Variants in CFH observed in about 807,000 individuals in gnomAD.
CFH encodes complement factor H, also known as H factor 1 (complement).
CFH carries 53 observed loss-of-function variants against 147.3 expected under a neutral mutation model. The observed-to-expected ratio is 0.36, with a 90% CI of 0.29 to 0.45. The LOEUF is 0.45. CFH is among the 20% of genes least tolerant of loss of function. The pLI, the probability that CFH is intolerant of heterozygous loss-of-function variation, is 1.00. For missense variants in CFH, 1,380 were observed against 1,498.0 expected, an observed-to-expected ratio of 0.92 and a Z score of 1.30; for synonymous variants, 536 against 489.4, an observed-to-expected ratio of 1.10 and a Z score of -1.26.
At chr1:196,694,529 A>G (rs1260275838) in intron 9 of CFH, among the ~76,000 whole-genome samples, 4 of 152,108 alleles carry the variant, frequency 2.6e-5, no homozygotes, top group Admixed American at 1.3e-4. Flanking sequence ...CAGTAATGGG[A>G]TTGCTGGGTC....
At chr1:196,727,961 C>G (rs1283396903) in intron 14 of CFH, among the ~76,000 whole-genome samples, 2 of 152,110 alleles carry the variant, frequency 1.3e-5, no homozygotes, top group Non-Finnish European at 2.9e-5. Flanking sequence ...TGATGACTAA[C>G]CGGGAGGATC....
chr1:196,656,960 C>G lies in CFH; in HGVS notation c.58+4785C>G, dbSNP rs1333551605. On this transcript the variant is annotated intron_variant, in intron 1 of 21. Coordinates refer to ENST00000367429, the MANE Select transcript of CFH (RefSeq NM_000186.4). ...TGGAATTTTCTTCTTGCTCTTTTCA[C>G]TGTTAAGTTGTTTGTTTGTTTGTTT... Among the ~76,000 whole-genome samples, 5 of 151,888 alleles carry G rather than the reference C, an allele frequency of 3.3e-5. No individual in the cohort carries two copies. In the East Asian group the frequency reaches 9.6e-4, roughly 29 times the overall value.
At position 196,692,398 on chromosome 1, in the gene CFH, C is replaced by T. The variant is rs1039245875; in HGVS notation, c.1336+2159C>T. The T allele has an allele frequency of 8.3e-6, 7 of 843,050 alleles. No individual in the cohort carries two copies. In the African/African-American group the frequency reaches 9.1e-5, roughly 11 times the overall value. The allele number at this position is 843,050 out of a possible 1,614,324, so 52.2% of individuals were successfully genotyped here. ...CAGATTAATTGAGGCTAATAATATGCCTTGATTAGATATGCAATTTCTCCT... is the reference window on the plus strand; with the variant it reads ...CAGATTAATTGAGGCTAATAATATGTCTTGATTAGATATGCAATTTCTCCT... On this transcript the variant is annotated intron_variant, in intron 9 of 21. Coordinates refer to ENST00000367429, the MANE Select transcript of CFH (RefSeq NM_000186.4).
Position 196,652,268 on chromosome 1 carries a change from A to G in CFH, c.58+93A>G, listed in dbSNP as rs1285132359. The G allele has an allele frequency of 3.0e-6, 3 of 991,578 alleles. No individual in the cohort carries two copies. The East Asian group carries it at 7.5e-5, about 25-fold the overall frequency. The allele number at this position is 991,578 out of a possible 1,614,324, so 61.4% of individuals were successfully genotyped here. On this transcript the variant is annotated intron_variant, in intron 1 of 21. Coordinates refer to ENST00000367429, the MANE Select transcript of CFH (RefSeq NM_000186.4). ...GGAGTAATAAAAATTTGATTTAGAAAATGTGCTTAAGTATTCTGTAACTTG... is the reference window on the plus strand; with the variant it reads ...GGAGTAATAAAAATTTGATTTAGAAGATGTGCTTAAGTATTCTGTAACTTG...
intron 1 of CFH, among the ~76,000 whole-genome samples, chr1:196,661,786 G>A (rs1255529268): frequency 2.0e-5 from 3 of 152,252 alleles, no homozygotes; most frequent in African/African-American, 4.8e-5. Flanking sequence ...GATTCAATGC[G>A]GGAAGCTTAA....
At chr1:196,683,854 G>A (rs544580854) in intron 6 of CFH, among the ~76,000 whole-genome samples, 26 of 151,650 alleles carry the variant, frequency 1.7e-4, no homozygotes, top group Non-Finnish European at 3.5e-4. Context: ...AATTGTTTCA[G>A]GTGGCTTGAG....
chr1:196,737,390 TA>T, intron 16 of CFH, 84 bp from the exon 17 acceptor site: 1 of 1,001,766 alleles, frequency 1.0e-6, no homozygotes, highest in Non-Finnish European at 1.5e-6. Flanking sequence ...ATACTCACTT[TA>T]AAATCCGAAA....
At chr1:196,719,877 CTTGGT>C (rs1046118977) in intron 11 of CFH, among the ~76,000 whole-genome samples, 3 of 151,204 alleles carry the variant, frequency 2.0e-5, no homozygotes, top group African/African-American at 7.3e-5. Flanking sequence ...GAAAATTTAT[CTTGGT>C]TTGTTTTCTT....
chr1:196,714,700 GAGAGAGAGAGAGAGAGAGAT>G (rs1668823179), intron 10 of CFH, among the ~76,000 whole-genome samples: 1 of 120,624 alleles, frequency 8.3e-6, no homozygotes, highest in African/African-American at 3.2e-5. Flanking sequence ...GAGAGAGAGA[GAGAGAGAGAGAGAGAGAGAT>G]GGAGTCTTGC....
At chr1:196,677,290 A>G (rs1667489090) in intron 4 of CFH, 186 bp from the exon 5 acceptor site, 2 of 581,718 alleles carry the variant, frequency 3.4e-6, no homozygotes, top group Admixed American at 2.9e-5. Context: ...AGAATCAGGA[A>G]TAAACATTCC....
intron 9 of CFH, among the ~76,000 whole-genome samples, chr1:196,696,613 C>T (rs961845509): frequency 2.6e-5 from 4 of 152,214 alleles, no homozygotes; most frequent in Non-Finnish European, 5.9e-5. Flanking sequence ...CCATCCCCAT[C>T]AAGCTACCAA....
At chr1:196,703,461 C>T (rs1168746479) in intron 9 of CFH, among the ~76,000 whole-genome samples, 1 of 152,176 alleles carries the variant, frequency 6.6e-6, no homozygotes, top group African/African-American at 2.4e-5. Context: ...GGGGCTTCTC[C>T]TGACCCAGAC....
At chr1:196,696,728 G>A (rs1668285898) in intron 9 of CFH, among the ~76,000 whole-genome samples, 3 of 152,128 alleles carry the variant, frequency 2.0e-5, no homozygotes, top group African/African-American at 7.2e-5. Flanking sequence ...CAAAGCTGGA[G>A]GCATCATGCT....
chr1:196,733,426 C>T (rs1297109149), intron 15 of CFH, among the ~76,000 whole-genome samples: 1 of 152,046 alleles, frequency 6.6e-6, no homozygotes, highest in Admixed American at 6.6e-5. Context: ...TTTCTAATAT[C>T]TGCTGTGACA....
intron 9 of CFH, 30 bp from the exon 10 acceptor site, chr1:196,713,705 T>G (rs775934989): frequency 7.3e-7 from 1 of 1,365,576 alleles, no homozygotes; most frequent in Admixed American, 1.8e-5. Flanking sequence ...GATCATATGC[T>G]TGTCTTTTTC....
At chr1:196,726,142 A>T (rs1435924238) in intron 12 of CFH, among the ~76,000 whole-genome samples, 1 of 152,186 alleles carries the variant, frequency 6.6e-6, no homozygotes, top group Non-Finnish European at 1.5e-5. Flanking sequence ...TGCCTCAGTT[A>T]TGATATTTTT....
chr1:196,696,521 C>A (rs12038674), intron 9 of CFH, among the ~76,000 whole-genome samples: 98,348 of 152,056 alleles, frequency 0.65, 32,259 homozygotes, highest in East Asian at 0.95. Flanking sequence ...AAGATCTAAA[C>A]TTGACACCCT....
intron 12 of CFH, among the ~76,000 whole-genome samples, chr1:196,726,115 T>C (rs911709062): frequency 2.6e-5 from 4 of 152,186 alleles, no homozygotes; most frequent in African/African-American, 4.8e-5. Context: ...AGTCAAACTT[T>C]ATGTTGATCA....
chr1:196,693,644 A>G (rs1325428455), intron 9 of CFH, among the ~76,000 whole-genome samples: 1 of 152,046 alleles, frequency 6.6e-6, no homozygotes, highest in Non-Finnish European at 1.5e-5. Flanking sequence ...AAAGACTACT[A>G]AGTGACTAAC....
Sources: allele counts gnomAD v4.1 joint callset (sites outside exome capture counted in the v4.1 genomes callset), GRCh38; gene constraint gnomAD v4.1.1; transcripts MANE v1.5; gene names NCBI Gene and HGNC (gene_info 2026-07-23, HGNC 2026-07-21).